LARP1B: variants seen among roughly 807,000 people sequenced by gnomAD.
LARP1B encodes la-related protein 1B.
In LARP1B, 76 loss-of-function variants were observed where a neutral mutation model predicts 114.2. The ratio of observed to expected loss-of-function variants is 0.67; its 90% CI spans 0.55 to 0.81. LARP1B has a LOEUF of 0.81. Among genes scored for constraint, LARP1B ranks in the 30% least tolerant of loss-of-function variants. The pLI is 0.00. For synonymous variants in LARP1B, 345 were observed against 348.0 expected, an observed-to-expected ratio of 0.99 and a Z score of 0.10; for missense variants, 1,014 against 1,075.8, an observed-to-expected ratio of 0.94 and a Z score of 0.80.
At chr4:128,083,939 C>T (rs1011026076) in intron 5 of LARP1B, among the ~76,000 whole-genome samples, 9 of 151,858 alleles carry the variant, frequency 5.9e-5, no homozygotes, top group Non-Finnish European at 1.0e-4. Flanking sequence ...CTCCTCACTT[C>T]TCAGACGGGG....
At chr4:128,153,977 A>G (rs1274964986) in intron 11 of LARP1B, among the ~76,000 whole-genome samples, 1 of 152,164 alleles carries the variant, frequency 6.6e-6, no homozygotes, top group Non-Finnish European at 1.5e-5. Flanking sequence ...GTCCTTTCAT[A>G]TTCATTCCTA....
intron 6 of LARP1B, among the ~76,000 whole-genome samples, chr4:128,217,842 G>A (rs1759639700): frequency 6.7e-6 from 1 of 149,542 alleles, no homozygotes; most frequent in South Asian, 2.2e-4. Context: ...TAGGAAAAGA[G>A]GAAGTCAAAT....
intron 5 of LARP1B, 137 bp from the exon 6 acceptor site, chr4:128,090,864 G>C: frequency 1.6e-6 from 1 of 613,348 alleles, no homozygotes; most frequent in South Asian, 2.3e-5. Flanking sequence ...TCTTCAGTTT[G>C]TATCCATCTG....
intron 11 of LARP1B, among the ~76,000 whole-genome samples, chr4:128,152,423 C>G (rs1029134674): frequency 3.3e-5 from 5 of 151,746 alleles, no homozygotes; most frequent in Admixed American, 3.3e-4. Flanking sequence ...AGGATGGTCT[C>G]GAACTCCTGA....
rs1775888293 is a variant in LARP1B at position 128,091,465 on chromosome 4, G to A, written c.621G>A (p.Val207=). ...YYYDDGTGVQ[V]YPVEEALLKE... Reference sequence around the variant, plus strand: ...ATGATGATGGTACAGGTGTACAGGTGTATCCTGTGGAAGAAGCATTGCTTA... The same window carrying A: ...ATGATGATGGTACAGGTGTACAGGTATATCCTGTGGAAGAAGCATTGCTTA... Residue 207 remains valine, a synonymous_variant, in exon 7 of 20, where the codon GTG becomes GTA. Transcript: ENST00000326639. The A allele has an allele frequency of 3.1e-6, 5 of 1,609,250 alleles. No homozygotes were observed. The highest frequency in any genetic ancestry group is 4.5e-5 in the East Asian group (2 of 44,826).
In LARP1B at chr4:128,122,162, G is replaced by C; in HGVS notation, c.1498G>C (p.Asp500His). The change falls in exon 11 of 20, where the codon GAT (aspartate) becomes CAT (histidine). Residue 500 changes from aspartate to histidine, a missense_variant. Physicochemically the swap from Asp to His is moderately conservative, Grantham distance 81. Coordinates refer to ENST00000326639, the MANE Select transcript of LARP1B (RefSeq NM_018078.4). ...TGAACAGGATCTATGGATGGAAGAA[G>C]ATGAAAACAAACACACAGCCATAAA... The part of the protein sequence containing the change: ...YYEQDLWMEE[D>H]ENKHTAIKQE... 6.2e-7 allele frequency: 1 copy of C among 1,613,866 alleles called. No individual in the cohort carries two copies. Among genetic ancestry groups the C allele is most frequent in the Middle Eastern group, 1.7e-4 (1 of 6,060 alleles).
intron 8 of LARP1B, among the ~76,000 whole-genome samples, chr4:128,099,054 G>A (rs1415740533): frequency 6.6e-6 from 1 of 151,124 alleles, no homozygotes. Context: ...AGGATTACAG[G>A]TGTGAGCCAG....
intron 11 of LARP1B, among the ~76,000 whole-genome samples, chr4:128,157,298 T>C (rs759014763): frequency 6.6e-6 from 1 of 152,094 alleles, no homozygotes; most frequent in Non-Finnish European, 1.5e-5. Flanking sequence ...AACTGGAAGA[T>C]GGATCAAAAG....
intron 9 of LARP1B, chr4:128,108,088 T>A: frequency 2.9e-6 from 4 of 1,399,844 alleles, no homozygotes; most frequent in Non-Finnish European, 3.7e-6. Flanking sequence ...GATAACCACC[T>A]TTGCGATAAT....
At chr4:128,222,613 G>T (rs1578863291), downstream of LARP1B, 2 of 271,098 alleles carry the variant, frequency 7.4e-6, no homozygotes, top group African/African-American at 4.5e-5. Context: ...TGTCTTTATT[G>T]TGAGAAGTTG....
intron 8 of LARP1B, among the ~76,000 whole-genome samples, chr4:128,102,072 T>C (rs1033321050): frequency 6.6e-6 from 1 of 152,178 alleles, no homozygotes; most frequent in Admixed American, 6.6e-5. Context: ...TAGCTAATGA[T>C]ACAGTAAAAA....
Position 128,069,226 on chromosome 4 carries a change from T to C in LARP1B, c.-77-5234T>C, listed in dbSNP as rs1764247287. 4 of 1,062,260 alleles carry C rather than the reference T, an allele frequency of 3.8e-6. No homozygotes were observed. The South Asian group carries it at 5.0e-5, about 13-fold the overall frequency. The allele number at this position is 1,062,260 out of a possible 1,614,324, so 65.8% of individuals were successfully genotyped here. A position where few individuals can be genotyped will look rare whatever the true frequency, so the allele number is the denominator to read the frequency against. On this transcript the variant is annotated intron_variant, in intron 1 of 19. Coordinates refer to ENST00000326639, the MANE Select transcript of LARP1B (RefSeq NM_018078.4). ...CTGATAGCTTTATGGAATGGATCAA[T>C]GAGGATAACCTCAAAAAACTTGTAT...
intron 5 of LARP1B, among the ~76,000 whole-genome samples, chr4:128,086,739 T>G (rs1296162568): frequency 6.6e-6 from 1 of 152,212 alleles, no homozygotes; most frequent in African/African-American, 2.4e-5. Flanking sequence ...GTATTTCACT[T>G]TCAGTTGTGT....
intron 11 of LARP1B, among the ~76,000 whole-genome samples, chr4:128,153,620 T>C (rs1165221035): frequency 6.6e-6 from 1 of 152,208 alleles, no homozygotes; most frequent in East Asian, 1.9e-4. Context: ...CCTTTTAAAA[T>C]GTGGTCTTCC....
chr4:128,081,100 C>G (rs902059104), intron 4 of LARP1B, among the ~76,000 whole-genome samples: 8 of 138,480 alleles, frequency 5.8e-5, no homozygotes, highest in African/African-American at 2.2e-4. Context: ...TTTTTTGAGA[C>G]AGACTCTCGT....
At chr4:128,203,365 C>T (rs1168948618) in intron 17 of LARP1B, among the ~76,000 whole-genome samples, 1 of 133,372 alleles carries the variant, frequency 7.5e-6, no homozygotes, top group Non-Finnish European at 1.6e-5. Context: ...CTTTTTCCTC[C>T]CTCCCTCCCT....
intron 11 of LARP1B, chr4:128,155,712 C>A: frequency 2.5e-6 from 4 of 1,607,462 alleles, no homozygotes; most frequent in Non-Finnish European, 3.4e-6. Flanking sequence ...AGGAGCGCCG[C>A]CGAGTAAGGC....
rs1287705381 is a variant in LARP1B at position 128,200,597 on chromosome 4, T to G, written c.2241T>G (p.Asp747Glu). The G allele has an allele frequency of 6.3e-7, 1 of 1,596,694 alleles. No individual in the cohort carries two copies. Among genetic ancestry groups the G allele is most frequent in the Non-Finnish European group, 8.5e-7 (1 of 1,171,480 alleles). The change falls in exon 17 of 20, where the codon GAT (aspartate) becomes GAG (glutamate). Residue 747 changes from aspartate (D) to glutamate (E), a missense_variant. Asp to Glu is a conservative substitution (Grantham distance 45). Transcript: ENST00000326639. ...GTTTCTGGTCCTTTTTCCTCAGAGATCACTTCAATAAAAAAATGTATGAGG... is the reference window on the plus strand; with the variant it reads ...GTTTCTGGTCCTTTTTCCTCAGAGAGCACTTCAATAAAAAAATGTATGAGG... ...LFRFWSFFLR[D>E]HFNKKMYEEF...
intron 8 of LARP1B, among the ~76,000 whole-genome samples, chr4:128,101,773 G>A (rs4834230): frequency 0.6 from 91,590 of 151,874 alleles, 28,498 homozygotes; most frequent in Middle Eastern, 0.8. Context: ...AGCTACCGCC[G>A]CCGGCATTAG....
Sources: allele counts gnomAD v4.1 joint callset (sites outside exome capture counted in the v4.1 genomes callset), GRCh38; gene constraint gnomAD v4.1.1; transcripts MANE v1.5; gene names NCBI Gene and HGNC (gene_info 2026-07-23, HGNC 2026-07-21).